Variants in ACOT7 observed in about 807,000 individuals in gnomAD.
The protein encoded by ACOT7 is acyl-CoA thioesterase 7.
A neutral mutation model predicts 40.2 loss-of-function variants in ACOT7; 12 were observed. That is an observed-to-expected ratio of 0.30 (90% confidence interval 0.19 to 0.48). The LOEUF (loss-of-function observed/expected upper bound fraction) is 0.48, where lower values mean the gene tolerates loss of function less well. Among genes scored for constraint, ACOT7 ranks in the 20% least tolerant of loss-of-function variants. ACOT7 has a pLI of 0.99. For missense variants in ACOT7, 395 were observed against 530.8 expected (o/e 0.74, Z 2.51); for synonymous variants, 228 against 219.5 (o/e 1.04, Z -0.34).
chr1:6,284,095 G>A (rs910232067), intron 7 of ACOT7, among the ~76,000 whole-genome samples: 1 of 152,196 alleles, frequency 6.6e-6, no homozygotes, highest in African/African-American at 2.4e-5. Flanking sequence ...GTCACCAAGA[G>A]AGAGCCCAGT....
chr1:6,324,006 G>A (rs1640731865), intron 5 of ACOT7, among the ~76,000 whole-genome samples: 1 of 151,850 alleles, frequency 6.6e-6, no homozygotes, highest in Admixed American at 6.6e-5. Context: ...GATAGCACGT[G>A]TCACACCTGT....
At chr1:6,382,421 C>CA (rs781701003) in intron 1 of ACOT7, among the ~76,000 whole-genome samples, 11 of 151,634 alleles carry the variant, frequency 7.3e-5, no homozygotes, top group Non-Finnish European at 1.0e-4. Flanking sequence ...AAAAACAAAA[C>CA]AAAAAAACTG....
Position 6,274,415 on chromosome 1 carries a change from TC to T in ACOT7, c.1014+6686del, listed in dbSNP as rs1432677311. Among the ~76,000 whole-genome samples the T allele has an allele frequency of 3.3e-5, 5 of 152,130 alleles. No homozygotes were observed. Among genetic ancestry groups the T allele is most frequent in the African/African-American group, 1.2e-4 (5 of 41,424 alleles). On this transcript the variant is annotated intron_variant, in intron 8 of 8. Transcript: ENST00000361521. The surrounding 1 kb of genome is among the most constrained non-coding windows in gnomAD (Gnocchi z 5.9). ...CAGCTGACTTAAGCCCTGGGGCCCA[TC>T]CCGCCCCTCCAGCTGAACAGCAGGT...
rs1489403073 is a variant in ACOT7 at position 6,299,944 on chromosome 1, C to T, written c.713-4964G>A. Among the ~76,000 whole-genome samples, 2 of 152,158 alleles carry T rather than the reference C, an allele frequency of 1.3e-5. No homozygotes were observed. Among genetic ancestry groups the T allele is most frequent in the Non-Finnish European group, 2.9e-5 (2 of 68,034 alleles). The stretch of plus-strand genomic sequence containing the variant: ...TGTCAGCCTCCAATGGGGGCCAGGA[C>T]CAGCTGCATTTGCCATGAAACGCTG... On this transcript the variant is annotated intron_variant, in intron 6 of 8. Coordinates refer to ENST00000361521, the MANE Select transcript of ACOT7 (RefSeq NM_007274.4). This position sits in a 1 kb window ranked among gnomAD's most constrained non-coding sequence, Gnocchi z 4.1.
At position 6,294,340 on chromosome 1, in the gene ACOT7, C is replaced by A. The variant is rs993207981; in HGVS notation, c.829+524G>T. ...GCACACATACCCCAGGGACAGCTGACACCATTTCCAGGCAGGGGCCAGGTG... is the reference window on the plus strand; with the variant it reads ...GCACACATACCCCAGGGACAGCTGAAACCATTTCCAGGCAGGGGCCAGGTG... On this transcript the variant is annotated intron_variant, in intron 7 of 8. Coordinates refer to ENST00000361521, the MANE Select transcript of ACOT7 (RefSeq NM_007274.4). The surrounding 1 kb of genome is among the most constrained non-coding windows in gnomAD (Gnocchi z 4.6). Among the ~76,000 whole-genome samples, 20 of 152,348 alleles carry A rather than the reference C, an allele frequency of 1.3e-4. No individual in the cohort carries two copies. Among genetic ancestry groups the A allele is most frequent in the African/African-American group, 4.3e-4 (18 of 41,568 alleles).
At chr1:6,379,398 C>T (rs1351500206) in intron 1 of ACOT7, among the ~76,000 whole-genome samples, 1 of 151,876 alleles carries the variant, frequency 6.6e-6, no homozygotes, top group Non-Finnish European at 1.5e-5. Context: ...CCCTACCGCA[C>T]ATCACACATA....
At chr1:6,276,756 C>G (rs1639204191) in intron 8 of ACOT7, among the ~76,000 whole-genome samples, 1 of 152,130 alleles carries the variant, frequency 6.6e-6, no homozygotes, top group Admixed American at 6.5e-5. Flanking sequence ...CTCCGGGCAG[C>G]CTGCCCCGCC....
intron 1 of ACOT7, among the ~76,000 whole-genome samples, chr1:6,381,253 C>T (rs1642329020): frequency 6.6e-6 from 1 of 151,536 alleles, no homozygotes; most frequent in Non-Finnish European, 1.5e-5. Context: ...ATATAACATG[C>T]ACATAATATA....
At chr1:6,374,814 T>C (rs1180959601) in intron 1 of ACOT7, among the ~76,000 whole-genome samples, 2 of 152,158 alleles carry the variant, frequency 1.3e-5, no homozygotes, top group African/African-American at 4.8e-5. Flanking sequence ...AGTGAGCCCC[T>C]AGGTCTCGGC....
At chr1:6,292,476 G>C (rs376406605) in intron 7 of ACOT7, among the ~76,000 whole-genome samples, 1 of 152,234 alleles carries the variant, frequency 6.6e-6, no homozygotes, top group African/African-American at 2.4e-5. Context: ...GCAGCTCCTC[G>C]TCCGAGTTGC....
chr1:6,378,331 A>T (rs577774906), intron 1 of ACOT7, among the ~76,000 whole-genome samples: 1 of 151,916 alleles, frequency 6.6e-6, no homozygotes, highest in East Asian at 1.9e-4. Context: ...CAGATGGTCC[A>T]GTCCCCCAGT....
chr1:6,295,924 G>A (rs867455154), intron 6 of ACOT7, among the ~76,000 whole-genome samples: 1 of 151,660 alleles, frequency 6.6e-6, no homozygotes, highest in South Asian at 2.1e-4. Flanking sequence ...TTGTTTTTGA[G>A]ACAGGGTCTC....
chr1:6,360,810 T>C, intron 1 of ACOT7: 1 of 1,450,296 alleles, frequency 6.9e-7, no homozygotes, highest in East Asian at 2.5e-5. Flanking sequence ...CTGGTCCCAG[T>C]CCAGGTGTGC....
intron 2 of ACOT7, among the ~76,000 whole-genome samples, chr1:6,341,915 C>T (rs985842175): frequency 9.2e-5 from 14 of 152,136 alleles, no homozygotes; most frequent in East Asian, 1.9e-4. Flanking sequence ...GATCGGACTC[C>T]GCATCTACAA....
chr1:6,333,697 C>T, intron 3 of ACOT7, 129 bp from the exon 4 acceptor site: 2 of 870,852 alleles, frequency 2.3e-6, no homozygotes, highest in Admixed American at 2.1e-5. Context: ...TGTGCACCAC[C>T]TCTCTGGCCC....
Position 6,330,069 on chromosome 1 carries a change from G to A in ACOT7, c.511-2656C>T, listed in dbSNP as rs1640914615. Reference sequence around the variant, plus strand: ...CAGGAAACCAGTGTGTGTGTGTGGTGTGTGTGTGTGTGTGCGTGTTCAAGA... The same window carrying A: ...CAGGAAACCAGTGTGTGTGTGTGGTATGTGTGTGTGTGTGCGTGTTCAAGA... On this transcript the variant is annotated intron_variant, in intron 4 of 8. Coordinates refer to ENST00000361521, the MANE Select transcript of ACOT7 (RefSeq NM_007274.4). This position sits in a 1 kb window ranked among gnomAD's most constrained non-coding sequence, Gnocchi z 4.6. Among the ~76,000 whole-genome samples, 1 of 151,712 alleles carries A rather than the reference G, an allele frequency of 6.6e-6. No homozygotes were observed. The highest frequency in any genetic ancestry group is 2.4e-5 in the African/African-American group (1 of 41,366).
chr1:6,359,765 A>G lies in ACOT7; in HGVS notation c.144-9899T>C, dbSNP rs1360988226. On this transcript the variant is annotated intron_variant, in intron 1 of 8. Coordinates refer to ENST00000361521, the MANE Select transcript of ACOT7 (RefSeq NM_007274.4). The surrounding 1 kb of genome is among the most constrained non-coding windows in gnomAD (Gnocchi z 4.1). Reference sequence around the variant, plus strand: ...CTGCCCCCACCAGGGCTGCTTTCCCAGGAATCCTGTGACCAGCAAGGGAAA... The same window carrying G: ...CTGCCCCCACCAGGGCTGCTTTCCCGGGAATCCTGTGACCAGCAAGGGAAA... Among the ~76,000 whole-genome samples the G allele has an allele frequency of 1.3e-5, 2 of 152,210 alleles. No individual in the cohort carries two copies. The highest frequency in any genetic ancestry group is 4.8e-5 in the African/African-American group (2 of 41,442).
At chr1:6,270,140 G>A (rs892075518) in intron 8 of ACOT7, among the ~76,000 whole-genome samples, 75 of 152,314 alleles carry the variant, frequency 4.9e-4, no homozygotes, top group African/African-American at 1.7e-3. Context: ...GTGACAAAGG[G>A]GCCACCCTGT....
intron 1 of ACOT7, among the ~76,000 whole-genome samples, chr1:6,381,395 G>A (rs1642331855): frequency 6.6e-6 from 1 of 151,184 alleles, no homozygotes; most frequent in Non-Finnish European, 1.5e-5. Flanking sequence ...TTTCTACAAA[G>A]AAAAAATACA....
Sources: allele counts gnomAD v4.1 joint callset (sites outside exome capture counted in the v4.1 genomes callset), GRCh38; gene constraint gnomAD v4.1.1; non-coding constraint Gnocchi (gnomAD v3.1); transcripts MANE v1.5; gene names NCBI Gene and HGNC (gene_info 2026-07-23, HGNC 2026-07-21).